R3HDM1: variants seen among roughly 807,000 people sequenced by gnomAD.
The protein encoded by R3HDM1 is R3H domain-containing protein 1.
R3HDM1 carries 46 observed loss-of-function variants against 141.1 expected under a neutral mutation model. The ratio of observed to expected loss-of-function variants is 0.33; its 90% CI spans 0.26 to 0.42. The LOEUF (loss-of-function observed/expected upper bound fraction) is 0.42, where lower values mean the gene tolerates loss of function less well. R3HDM1 is among the 10% of genes least tolerant of loss of function. R3HDM1 has a pLI of 1.00. For synonymous variants in R3HDM1, 435 were observed against 472.9 expected, an observed-to-expected ratio of 0.92 and a Z score of 1.04; for missense variants, 1,184 against 1,368.3, an observed-to-expected ratio of 0.87 and a Z score of 2.12.
intron 23 of R3HDM1, among the ~76,000 whole-genome samples, chr2:135,713,424 C>T (rs1298408577): frequency 6.6e-6 from 1 of 152,182 alleles, no homozygotes; most frequent in Non-Finnish European, 1.5e-5. Flanking sequence ...TTGGAATGCA[C>T]TTTGGAGACA....
chr2:135,533,707 G>C (rs961831968), intron 1 of R3HDM1, among the ~76,000 whole-genome samples: 17 of 152,248 alleles, frequency 1.1e-4, no homozygotes, highest in African/African-American at 3.4e-4. Context: ...GAGAAACCCC[G>C]TCTCTACTGA....
intron 1 of R3HDM1, among the ~76,000 whole-genome samples, chr2:135,535,641 C>T (rs1006037425): frequency 6.6e-6 from 1 of 152,020 alleles, no homozygotes; most frequent in Non-Finnish European, 1.5e-5. Flanking sequence ...ATCCCCGAGA[C>T]TTCCCATAAT....
At chr2:135,629,673 G>A (rs1260485382) in intron 7 of R3HDM1, among the ~76,000 whole-genome samples, 4 of 152,182 alleles carry the variant, frequency 2.6e-5, no homozygotes, top group African/African-American at 7.2e-5. Context: ...ACAGGAGCTT[G>A]GCAAATACAG....
chr2:135,655,690 T>G (rs1361620523), intron 18 of R3HDM1, among the ~76,000 whole-genome samples: 1 of 152,038 alleles, frequency 6.6e-6, no homozygotes, highest in East Asian at 1.9e-4. Context: ...GTATTTTTAG[T>G]AGAGACGGGG....
chr2:135,645,336 C>G (rs1310510158), intron 15 of R3HDM1, 43 bp from the exon 16 acceptor site: 1 of 1,517,540 alleles, frequency 6.6e-7, no homozygotes, highest in Non-Finnish European at 9.0e-7. Context: ...TATTTTCCAC[C>G]TGTATTCTAA....
At chr2:135,559,023 T>G (rs994309668) in intron 1 of R3HDM1, 2 of 982,936 alleles carry the variant, frequency 2.0e-6, no homozygotes, top group African/African-American at 3.5e-5. Context: ...CTAAAATACC[T>G]TATCAGTGGT....
chr2:135,600,887 C>A (rs2059572260), intron 1 of R3HDM1, among the ~76,000 whole-genome samples: 1 of 152,150 alleles, frequency 6.6e-6, no homozygotes, highest in Non-Finnish European at 1.5e-5. Context: ...TTTCATGGAA[C>A]CTTGGGATCC....
chr2:135,569,946 T>G (rs1485395674), intron 1 of R3HDM1, among the ~76,000 whole-genome samples: 1 of 152,132 alleles, frequency 6.6e-6, no homozygotes, highest in East Asian at 1.9e-4. Context: ...CAGGATGGTC[T>G]CGATCTCTTG....
rs148785587 is a variant in R3HDM1, at chr2:135,712,634, A to G, written c.2736+2403A>G. The stretch of plus-strand genomic sequence containing the variant: ...GGTGGCTTACGACTGTAATCCCAGC[A>G]CTTCCGGCCGGGCACGATGGCTCAC... On this transcript the variant is annotated intron_variant, in intron 23 of 26. Coordinates refer to ENST00000683871, the MANE Select transcript of R3HDM1 (RefSeq NM_001378107.1). 1.7e-3 allele frequency among the ~76,000 whole-genome samples: 264 copies of G among 151,856 alleles called. 7 individuals are homozygous for G. In the South Asian group the frequency reaches 0.033, roughly 19 times the overall value.
intron 1 of R3HDM1, chr2:135,568,644 CCCGG>C (rs1703353459): frequency 6.6e-6 from 1 of 152,204 alleles, no homozygotes; most frequent in South Asian, 2.1e-4. Flanking sequence ...GCCACTTGTG[CCCGG>C]CCTGGCCACA....
chr2:135,622,546 A>G (rs1559269711), intron 6 of R3HDM1, 108 bp from the exon 7 acceptor site: 2 of 1,362,708 alleles, frequency 1.5e-6, no homozygotes, highest in Non-Finnish European at 1.9e-6. Context: ...ATTTTTTTCA[A>G]TGTGGGGCAT....
intron 1 of R3HDM1, among the ~76,000 whole-genome samples, chr2:135,542,565 C>G (rs1697829091): frequency 1.3e-5 from 2 of 152,078 alleles, no homozygotes; most frequent in Admixed American, 1.3e-4. Flanking sequence ...TGTCCAGTTG[C>G]TATAATATGG....
At chr2:135,591,750 TC>T (rs1709322848) in intron 1 of R3HDM1, among the ~76,000 whole-genome samples, 1 of 152,188 alleles carries the variant, frequency 6.6e-6, no homozygotes, top group African/African-American at 2.4e-5. Context: ...ATTTGGAGGT[TC>T]CCTCAGACTT....
At chr2:135,715,429 G>A in intron 23 of R3HDM1, 121 bp from the exon 24 acceptor site, 1 of 1,133,246 alleles carries the variant, frequency 8.8e-7, no homozygotes. Context: ...GGGAGTTGCA[G>A]ATCACATGCT....
chr2:135,693,933 G>C (rs1342610105), intron 21 of R3HDM1, among the ~76,000 whole-genome samples: 1 of 152,124 alleles, frequency 6.6e-6, no homozygotes, highest in East Asian at 1.9e-4. Context: ...TGAACCCGGA[G>C]GCAGAGGTTG....
At chr2:135,690,955 C>T (rs2072280264) in intron 21 of R3HDM1, among the ~76,000 whole-genome samples, 1 of 152,140 alleles carries the variant, frequency 6.6e-6, no homozygotes, top group South Asian at 2.1e-4. Flanking sequence ...GAAAAAACCT[C>T]TTTATCCATA....
intron 1 of R3HDM1, among the ~76,000 whole-genome samples, chr2:135,552,074 C>G (rs1699935703): frequency 6.6e-6 from 1 of 152,112 alleles, no homozygotes; most frequent in Admixed American, 6.5e-5. Context: ...GTCTAATGTG[C>G]AAGGGATTTT....
rs1486693258 is a variant in R3HDM1, at chr2:135,636,126, T to C, written c.846T>C (p.Ser282=). 1 of 1,613,122 alleles carries C rather than the reference T, an allele frequency of 6.2e-7. No homozygotes were observed. The highest frequency in any genetic ancestry group is 2.2e-5 in the East Asian group (1 of 44,752). ...IRLKDDRRSK[S]IEEREEEYQR... is the part of the protein sequence containing the mutation. ...TGAAAGATGACAGAAGAAGCAAATC[T>C]ATAGAAGAAAGAGAAGAAGAGTACC... Residue 282 remains serine, a synonymous_variant, in exon 11 of 27, where the codon TCT becomes TCC. Coordinates refer to ENST00000683871, the MANE Select transcript of R3HDM1 (RefSeq NM_001378107.1).
intron 1 of R3HDM1, among the ~76,000 whole-genome samples, chr2:135,587,468 G>A (rs984763): frequency 0.093 from 14,172 of 152,108 alleles, 912 homozygotes; most frequent in South Asian, 0.31. Flanking sequence ...TTTTATCAAC[G>A]CTGAATGTCA....
Sources: allele counts gnomAD v4.1 joint callset (sites outside exome capture counted in the v4.1 genomes callset), GRCh38; gene constraint gnomAD v4.1.1; transcripts MANE v1.5; gene names NCBI Gene and HGNC (gene_info 2026-07-23, HGNC 2026-07-21).